Variants in DAZL observed in about 807,000 individuals in gnomAD.
DAZL encodes the protein deleted in azoospermia-like.
In DAZL, 4 loss-of-function variants were observed where a neutral mutation model predicts 45.0. The observed-to-expected ratio is 0.09, with a 90% CI of 0.04 to 0.20. The LOEUF (loss-of-function observed/expected upper bound fraction) is 0.20, where lower values mean the gene tolerates loss of function less well. DAZL is among the 10% of genes least tolerant of loss of function. The pLI is 1.00. For missense variants in DAZL, 326 were observed against 351.3 expected (o/e 0.93, Z 0.58); for synonymous variants, 122 against 112.4 (o/e 1.09, Z -0.54).
At chr3:16,604,615 C>T in intron 1 of DAZL, 1 of 1,377,444 alleles carries the variant, frequency 7.3e-7, no homozygotes. Flanking sequence ...GCTGAGGCCC[C>T]CACGAACCCC....
At chr3:16,596,674 A>G (rs2125046145) in intron 6 of DAZL, 76 bp downstream of exon 6, 2 of 1,513,334 alleles carry the variant, frequency 1.3e-6, no homozygotes, top group Non-Finnish European at 9.2e-7. Flanking sequence ...CACTTACTAC[A>G]GAAATTGGAT....
intron 1 of DAZL, among the ~76,000 whole-genome samples, chr3:16,600,442 C>G (rs1180740506): frequency 2.0e-5 from 3 of 152,052 alleles, no homozygotes; most frequent in Non-Finnish European, 4.4e-5. Context: ...CTAATTCTTT[C>G]TTTTAATAGT....
rs1484277420 is a variant in DAZL, at chr3:16,597,954, AACTT to A, written c.242+129_242+132del. 4 of 980,830 alleles carry A rather than the reference AACTT, an allele frequency of 4.1e-6. No homozygotes were observed. The Admixed American group carries it at 1.2e-4, about 30-fold the overall frequency. 60.8% of individuals were successfully genotyped at this position (980,830 alleles called of 1,614,324 possible). A position where few individuals can be genotyped will look rare whatever the true frequency, so the allele number is the denominator to read the frequency against. ...AAAATGATTAAAAGAGCTGGCAATA[AACTT>A]TTATCCTCTACATGAAAGAAATTAA... On this transcript the variant is annotated intron_variant, in intron 3 of 10. Transcript: ENST00000399444.
intron 1 of DAZL, chr3:16,604,625 C>CG: frequency 7.3e-7 from 1 of 1,371,100 alleles, no homozygotes; most frequent in Non-Finnish European, 9.4e-7. Flanking sequence ...CCACGAACCC[C>CG]GCCCACCCCA....
Position 16,587,360 on chromosome 3 carries a change from GATACAACTTTTTCCCTTAGAA to G in DAZL, c.*1279_*1299del. The G allele has an allele frequency of 6.6e-6, 1 of 152,302 alleles. No individual in the cohort carries two copies. Among genetic ancestry groups the G allele is most frequent in the East Asian group, 1.9e-4 (1 of 5,204 alleles). 9.4% of individuals were successfully genotyped at this position (152,302 alleles called of 1,614,324 possible). A position where few individuals can be genotyped will look rare whatever the true frequency, so the allele number is the denominator to read the frequency against. On this transcript the variant is annotated 3_prime_UTR_variant, in exon 11 of 11. Coordinates refer to ENST00000399444, the MANE Select transcript of DAZL (RefSeq NM_001351.4). The stretch of plus-strand genomic sequence containing the variant: ...TGTCCATGGCAGATCAAATGGTACT[GATACAACTTTTTCCCTTAGAA>G]AGGTATTATATCCCATTGCTACCGT...
In DAZL at chr3:16,588,033, A is replaced by G. The variant is rs1199075054; in HGVS notation, c.*627T>C. ...AATTACTACCCTAATCAAATAGGAT[A>G]TATATGTGTGGATTCTAGCTAAAAG... On this transcript the variant is annotated 3_prime_UTR_variant, in exon 11 of 11. Transcript: ENST00000399444. The G allele has an allele frequency of 6.4e-6, 1 of 157,178 alleles. No homozygotes were observed. Among genetic ancestry groups the G allele is most frequent in the Admixed American group, 6.5e-5 (1 of 15,472 alleles). 9.7% of individuals were successfully genotyped at this position (157,178 alleles called of 1,614,324 possible). A position where few individuals can be genotyped will look rare whatever the true frequency, so the allele number is the denominator to read the frequency against.
In DAZL at chr3:16,592,887, C is replaced by G. The variant is rs760850101; in HGVS notation, c.736-739G>C. Among the ~76,000 whole-genome samples the G allele has an allele frequency of 2.1e-4, 32 of 152,206 alleles. 1 individual carries two copies. The highest frequency in any genetic ancestry group is 8.8e-5 in the Non-Finnish European group (6 of 68,000). Reference sequence around the variant, plus strand: ...CAACACATCAACTACTTCTACACTCCCGCTCATTTAAGAGAACATATGTGA... The same window carrying G: ...CAACACATCAACTACTTCTACACTCGCGCTCATTTAAGAGAACATATGTGA... On this transcript the variant is annotated intron_variant, in intron 9 of 10. Coordinates refer to ENST00000399444, the MANE Select transcript of DAZL (RefSeq NM_001351.4).
At chr3:16,605,050 A>C (rs1305268913) in intron 1 of DAZL, among the ~76,000 whole-genome samples, 153 bp downstream of exon 1, 1 of 152,116 alleles carries the variant, frequency 6.6e-6, no homozygotes, top group Non-Finnish European at 1.5e-5. Context: ...CGCCTCTCCC[A>C]ACTCTGTGGG....
intron 3 of DAZL, 54 bp downstream of exon 3, chr3:16,598,033 C>T: frequency 7.1e-7 from 1 of 1,414,722 alleles, no homozygotes; most frequent in African/African-American, 1.4e-5. Flanking sequence ...TTGAAGTCTT[C>T]TCTGATACTC....
rs1464318276 is a variant in DAZL at position 16,598,173 on chromosome 3, A to T, written c.156T>A (p.Asp52Glu). ...CAAAGAAGCTTCTAATCTCAGTTTC[A>T]TCCATCTATGGAAAAGAATTGAACT... is the stretch of plus-strand genomic sequence containing the variant. The part of the protein sequence containing the change: ...VFVGGIDVRM[D>E]ETEIRSFFAR... Residue 52 changes from aspartate to glutamate, a missense_variant, in exon 3 of 11, where the codon GAT becomes GAA. By Grantham distance (45) the Asp-to-Glu change is conservative. Around this residue, in one of 3 missense-constraint regions of DAZL, gnomAD observed 81 missense variants for 89.6 expected, o/e 0.90. Transcript: ENST00000399444. 6.3e-7 allele frequency: 1 copy of T among 1,592,916 alleles called. No individual in the cohort carries two copies. Among genetic ancestry groups the T allele is most frequent in the Non-Finnish European group, 8.6e-7 (1 of 1,163,640 alleles).
At chr3:16,592,296 C>T (rs1048212911) in intron 9 of DAZL, 148 bp from the exon 10 acceptor site, 2 of 1,233,362 alleles carry the variant, frequency 1.6e-6, no homozygotes, top group South Asian at 1.4e-5. Context: ...GTGGCTCACG[C>T]CTGTAATCCC....
chr3:16,593,868 G>T, intron 8 of DAZL, 100 bp from the exon 9 acceptor site: 1 of 719,094 alleles, frequency 1.4e-6, no homozygotes, highest in Non-Finnish European at 2.3e-6. Context: ...AAGTTTCAAT[G>T]TAGGTTGTGT....
Position 16,587,225 on chromosome 3 carries a change from A to G in DAZL, c.*1435T>C, listed in dbSNP as rs1694450766. On this transcript the variant is annotated 3_prime_UTR_variant, in exon 11 of 11. Coordinates refer to ENST00000399444, the MANE Select transcript of DAZL (RefSeq NM_001351.4). Reference sequence around the variant, plus strand: ...GAATGAAAATTTTAAGGAATTATAGACCCTAGGGGGCACTAGTAATATGGC... The same window carrying G: ...GAATGAAAATTTTAAGGAATTATAGGCCCTAGGGGGCACTAGTAATATGGC... 1.3e-5 allele frequency: 2 copies of G among 152,076 alleles called. No individual in the cohort carries two copies. The highest frequency in any genetic ancestry group is 2.9e-5 in the Non-Finnish European group (2 of 67,994). The allele number at this position is 152,076 out of a possible 1,614,324, so 9.4% of individuals were successfully genotyped here.
At chr3:16,604,678 C>T (rs1327485793) in intron 1 of DAZL, 5 of 1,358,128 alleles carry the variant, frequency 3.7e-6, no homozygotes, top group Non-Finnish European at 3.8e-6. Flanking sequence ...TAAGGAAGCT[C>T]CGGCCCTCGA....
chr3:16,598,239 T>C (rs1694630469), intron 2 of DAZL, 61 bp from the exon 3 acceptor site: 1 of 1,484,348 alleles, frequency 6.7e-7, no homozygotes, highest in East Asian at 2.3e-5. Context: ...TTAATTTTAC[T>C]AAAAGAAGGT....
intron 1 of DAZL, among the ~76,000 whole-genome samples, chr3:16,600,364 A>G (rs1694664992): frequency 6.6e-6 from 1 of 152,170 alleles, no homozygotes; most frequent in African/African-American, 2.4e-5. Flanking sequence ...AATCAACTAA[A>G]GCTGAGTTTA....
intron 2 of DAZL, 36 bp from the exon 3 acceptor site, chr3:16,598,214 CA>C: frequency 6.5e-7 from 1 of 1,540,050 alleles, no homozygotes; most frequent in Non-Finnish European, 8.9e-7. Flanking sequence ...AGTAAAAATT[CA>C]GCATTCAAAA....
chr3:16,593,429 C>G (rs1217699658), intron 9 of DAZL, among the ~76,000 whole-genome samples: 2 of 152,088 alleles, frequency 1.3e-5, no homozygotes, highest in Non-Finnish European at 2.9e-5. Flanking sequence ...CATCTCAGCC[C>G]CAAAAAGTGC....
intron 8 of DAZL, 45 bp from the exon 9 acceptor site, chr3:16,593,813 A>T: frequency 7.8e-7 from 1 of 1,275,152 alleles, no homozygotes; most frequent in Admixed American, 1.8e-5. Flanking sequence ...ATATACAGAT[A>T]TATTTAAAAG....
Sources: gnomAD v4.1 joint callset for allele counts (sites outside exome capture counted in the v4.1 genomes callset) on GRCh38, gnomAD v4.1.1 for gene constraint, gnomAD v4.1.1 regional missense constraint, MANE v1.5 for transcripts, NCBI Gene and HGNC (gene_info 2026-07-23, HGNC 2026-07-21) for gene names.